ZFYVE26: variants seen among roughly 807,000 people sequenced by gnomAD.
The protein encoded by ZFYVE26 is zinc finger FYVE domain-containing protein 26.
ZFYVE26 carries 181 observed loss-of-function variants against 276.5 expected under a neutral mutation model. That is an observed-to-expected ratio of 0.65 (90% CI 0.58 to 0.74). The LOEUF (loss-of-function observed/expected upper bound fraction) is 0.74, where lower values mean the gene tolerates loss of function less well. Ranked by LOEUF, ZFYVE26 falls within the 30% of genes least tolerant of loss-of-function variation. The pLI is 0.00. For synonymous variants in ZFYVE26, 1,129 were observed against 1,203.1 expected, an observed-to-expected ratio of 0.94 and a Z score of 1.27; for missense variants, 2,821 against 3,097.9, an observed-to-expected ratio of 0.91 and a Z score of 2.12.
At chr14:67,754,015 A>G (rs897867065) in intron 38 of ZFYVE26, 56 bp downstream of exon 38, 35 of 1,612,996 alleles carry the variant, frequency 2.2e-5, no homozygotes, top group African/African-American at 1.2e-4. Flanking sequence ...TGCAATTATG[A>G]TAAGTGTTCT....
intron 16 of ZFYVE26, among the ~76,000 whole-genome samples, 158 bp from the exon 17 acceptor site, chr14:67,786,391 G>C (rs1048100987): frequency 3.2e-4 from 49 of 152,218 alleles, no homozygotes; most frequent in African/African-American, 1.1e-3. Flanking sequence ...CAGTATACTT[G>C]GCTTATTTCA....
chr14:67,782,899 T>C lies in ZFYVE26; in HGVS notation c.4253A>G (p.Glu1418Gly), dbSNP rs2039540222. 2 of 1,614,176 alleles carry C rather than the reference T, an allele frequency of 1.2e-6. No homozygotes were observed. The highest frequency in any genetic ancestry group is 1.7e-6 in the Non-Finnish European group (2 of 1,180,024). ...IALDVLSEAF[E>G]ESLVARDWSR... is the part of the protein sequence containing the mutation. ...CCAATCTCTGGCCACCAAGGATTCCTCAAAAGCCTCACTCAGTACATCTAG... is the reference window on the plus strand; with the variant it reads ...CCAATCTCTGGCCACCAAGGATTCCCCAAAAGCCTCACTCAGTACATCTAG... Residue 1418 changes from glutamate (E) to glycine (G), a missense_variant, in exon 21 of 42, where the codon GAG becomes GGG. Coordinates refer to ENST00000347230, the MANE Select transcript of ZFYVE26 (RefSeq NM_015346.4).
chr14:67,766,117 C>A, intron 32 of ZFYVE26, 110 bp downstream of exon 32: 1 of 1,062,444 alleles, frequency 9.4e-7, no homozygotes, highest in Non-Finnish European at 1.4e-6. Flanking sequence ...AATCTTTCAG[C>A]ATGTCTTGTC....
In ZFYVE26 at chr14:67,767,843, G is replaced by T; in HGVS notation, c.5654-3C>A. On this transcript the variant is annotated splice_region_variant and splice_polypyrimidine_tract_variant and intron_variant, in intron 30 of 41. Transcript: ENST00000347230. ...TTCATTCTTGGAGCTGTCTAGAGCTGAGAAGAGAAATGCCATTCATGTGTC... is the reference window on the plus strand; with the variant it reads ...TTCATTCTTGGAGCTGTCTAGAGCTTAGAAGAGAAATGCCATTCATGTGTC... The T allele has an allele frequency of 6.2e-7, 1 of 1,614,134 alleles. No individual in the cohort carries two copies. Among genetic ancestry groups the T allele is most frequent in the South Asian group, 1.1e-5 (1 of 91,074 alleles).
intron 10 of ZFYVE26, among the ~76,000 whole-genome samples, chr14:67,800,523 A>G (rs1224911065): frequency 1.3e-5 from 2 of 152,200 alleles, no homozygotes; most frequent in Non-Finnish European, 2.9e-5. Context: ...GAAAACACAC[A>G]GGGTGAGGGA....
rs781467175 is a variant in ZFYVE26, at chr14:67,786,161, C to T, written c.3092G>A (p.Ser1031Asn). 1.2e-6 allele frequency: 2 copies of T among 1,609,926 alleles called. No homozygotes were observed. Among genetic ancestry groups the T allele is most frequent in the Non-Finnish European group, 1.7e-6 (2 of 1,179,064 alleles). Residue 1031 changes from serine to asparagine, a missense_variant, in exon 17 of 42, where the codon AGT (serine) becomes AAT (asparagine). Ser to Asn is a conservative substitution (Grantham distance 46). Transcript: ENST00000347230. Reference sequence around the variant, plus strand: ...CATAAGCAGATAATTGAGACTCTTACTGATTTGCTGAAGAACAACTGGAAA... The same window carrying T: ...CATAAGCAGATAATTGAGACTCTTATTGATTTGCTGAAGAACAACTGGAAA... ...RGFPVVLQQI[S>N]KSLNYLLMSA... is the part of the protein sequence containing the mutation.
At chr14:67,810,077 C>G (rs1401852325) in intron 3 of ZFYVE26, among the ~76,000 whole-genome samples, 1 of 152,324 alleles carries the variant, frequency 6.6e-6, no homozygotes, top group East Asian at 1.9e-4. Flanking sequence ...AGCCACCGTG[C>G]CTGGCACAGA....
intron 13 of ZFYVE26, chr14:67,733,664 A>G: frequency 2.2e-6 from 2 of 904,088 alleles, no homozygotes; most frequent in Non-Finnish European, 3.7e-6. Context: ...TTCATTTAGA[A>G]ACATTCTGAG....
At chr14:67,735,333 C>A in intron 13 of ZFYVE26, 1 of 782,308 alleles carries the variant, frequency 1.3e-6, no homozygotes, top group Non-Finnish European at 2.3e-6. Flanking sequence ...ACCAAAAGGA[C>A]CATCTAGTCT....
In ZFYVE26 at chr14:67,769,737, A is replaced by C; in HGVS notation, c.5485-7T>G. On this transcript the variant is annotated splice_polypyrimidine_tract_variant and splice_region_variant and intron_variant, in intron 28 of 41. Coordinates refer to ENST00000347230, the MANE Select transcript of ZFYVE26 (RefSeq NM_015346.4). ...AATGATGACGCCTGTTAAACTGAGG[A>C]ATGCCATCAGGAGGAGAAGAAAGAG... is the stretch of plus-strand genomic sequence containing the variant. The C allele has an allele frequency of 6.2e-7, 1 of 1,614,040 alleles. No individual in the cohort carries two copies. The highest frequency in any genetic ancestry group is 8.5e-7 in the Non-Finnish European group (1 of 1,180,018).
At chr14:67,779,029 A>G (rs1197106901) in intron 23 of ZFYVE26, among the ~76,000 whole-genome samples, 1 of 152,204 alleles carries the variant, frequency 6.6e-6, no homozygotes, top group Admixed American at 6.5e-5. Context: ...TTTTTGTTTC[A>G]CCACCATCTA....
In ZFYVE26 at chr14:67,798,443, C is replaced by T. The variant is rs142015707; in HGVS notation, c.1819G>A (p.Gly607Arg). 6.3e-5 allele frequency: 101 copies of T among 1,613,950 alleles called. No individual in the cohort carries two copies. Among genetic ancestry groups the T allele is most frequent in the Non-Finnish European group, 8.1e-5 (96 of 1,179,986 alleles). Residue 607 changes from glycine to arginine, a missense_variant, in exon 11 of 42, where the codon GGG (glycine) becomes AGG (arginine). Transcript: ENST00000347230. Reference protein sequence around the residue: ...EDYAEDDDIEGKSPSGLRSPS... With the variant: ...EDYAEDDDIERKSPSGLRSPS... ...GACCTCAAACCTGAGGGGCTCTTCC[C>T]CTCAATGTCATCATCCTCAGCATAG...
At chr14:67,729,134 G>A (rs1345183353) in intron 14 of ZFYVE26, 2 of 1,552,990 alleles carry the variant, frequency 1.3e-6, no homozygotes, top group Non-Finnish European at 1.8e-6. Context: ...CAGGAGATAA[G>A]CTGTTTTCCT....
In ZFYVE26 at chr14:67,748,406, G is replaced by T. The variant is rs1423041844; in HGVS notation, c.*30C>A. On this transcript the variant is annotated 3_prime_UTR_variant, in exon 42 of 42. Transcript: ENST00000347230. Reference sequence around the variant, plus strand: ...ATCACTGCTGTTGCCCAGCTCTCAGGCCACGTGTTCCTGGCCCCACTGCCC... The same window carrying T: ...ATCACTGCTGTTGCCCAGCTCTCAGTCCACGTGTTCCTGGCCCCACTGCCC... 2.5e-6 allele frequency: 4 copies of T among 1,608,004 alleles called. No individual in the cohort carries two copies. The highest frequency in any genetic ancestry group is 3.4e-6 in the Non-Finnish European group (4 of 1,178,302).
In ZFYVE26 at chr14:67,784,445, G is replaced by T; in HGVS notation, c.3524-9C>A. The T allele has an allele frequency of 6.2e-7, 1 of 1,611,198 alleles. No individual in the cohort carries two copies. The highest frequency in any genetic ancestry group is 8.5e-7 in the Non-Finnish European group (1 of 1,177,344). ...CTTGACCTCCACATGATCTGCAAAG[G>T]TAAAGAACATGATCTTTGTTTGCAC... is the stretch of plus-strand genomic sequence containing the variant. On this transcript the variant is annotated splice_polypyrimidine_tract_variant and intron_variant, in intron 19 of 41. Transcript: ENST00000347230.
intron 12 of ZFYVE26, chr14:67,797,430 G>C (rs2039976643): frequency 1.8e-6 from 1 of 559,588 alleles, no homozygotes; most frequent in African/African-American, 1.9e-5. Context: ...GCAAGCTGCA[G>C]TTCTCAATAT....
At chr14:67,730,189 T>C (rs1247834242) in intron 13 of ZFYVE26, among the ~76,000 whole-genome samples, 2 of 152,190 alleles carry the variant, frequency 1.3e-5, no homozygotes, top group Non-Finnish European at 2.9e-5. Flanking sequence ...CACATGAAAC[T>C]GAGGCGCAAG....
Position 67,815,796 on chromosome 14 carries a change from T to A in ZFYVE26, c.168A>T (p.Ala56=). 6.2e-7 allele frequency: 1 copy of A among 1,613,584 alleles called. No individual in the cohort carries two copies. Among genetic ancestry groups the A allele is most frequent in the East Asian group, 2.2e-5 (1 of 44,884 alleles). Residue 56 remains alanine, a synonymous_variant, in exon 2 of 42, where the codon GCA becomes GCT. Transcript: ENST00000347230. ...TCAGCAGATTTGGACACACCACCAATGCCTGAAGTATGTCTTCTACCCTCT... is the reference window on the plus strand; with the variant it reads ...TCAGCAGATTTGGACACACCACCAAAGCCTGAAGTATGTCTTCTACCCTCT... The part of the protein sequence containing the change: ...IPKRVEDILQ[A]LVVCPNLLRC...
chr14:67,784,387 G>A lies in ZFYVE26; in HGVS notation c.3573C>T (p.Ser1191=). ...GGAGATGTGACACCAGTTGGGAAGA[G>A]CTCTGTTGCAGCAGAACAAAGGGAT... ...VGNPFVLLQQ[S]SSQLVSHLLF... Residue 1191 remains serine (S), a synonymous_variant, in exon 20 of 42, where the codon AGC becomes AGT. Transcript: ENST00000347230. 6.2e-7 allele frequency: 1 copy of A among 1,614,092 alleles called. No individual in the cohort carries two copies. Among genetic ancestry groups the A allele is most frequent in the Non-Finnish European group, 8.5e-7 (1 of 1,179,956 alleles).
Sources: gnomAD v4.1 joint callset for allele counts (sites outside exome capture counted in the v4.1 genomes callset) on GRCh38, gnomAD v4.1.1 for gene constraint, MANE v1.5 for transcripts, NCBI Gene and HGNC (gene_info 2026-07-23, HGNC 2026-07-21) for gene names.